Variants in PDE6B observed in about 807,000 individuals in gnomAD.
The protein encoded by PDE6B is rod cGMP-specific 3',5'-cyclic phosphodiesterase subunit beta.
A neutral mutation model predicts 109.0 loss-of-function variants in PDE6B; 106 were observed. The ratio of observed to expected loss-of-function variants is 0.97; its 90% CI spans 0.83 to 1.14. The LOEUF (loss-of-function observed/expected upper bound fraction) is 1.14, where lower values mean the gene tolerates loss of function less well. Among genes scored for constraint, PDE6B ranks in the 50% most tolerant of loss-of-function variants. The pLI is 0.00. For missense variants in PDE6B, 1,193 were observed against 1,155.6 expected (o/e 1.03, Z -0.47); for synonymous variants, 490 against 471.3 (o/e 1.04, Z -0.51).
intron 3 of PDE6B, among the ~76,000 whole-genome samples, chr4:638,156 C>T (rs1386179766): frequency 6.6e-6 from 1 of 152,170 alleles, no homozygotes; most frequent in African/African-American, 2.4e-5. Context: ...GGTAGCATCT[C>T]ATTATTGCTG....
At chr4:640,060 C>G (rs933096933) in intron 3 of PDE6B, among the ~76,000 whole-genome samples, 2 of 152,094 alleles carry the variant, frequency 1.3e-5, no homozygotes, top group African/African-American at 4.8e-5. Flanking sequence ...AGGCCCAGCA[C>G]TTTGGAAGGC....
intron 11 of PDE6B, among the ~76,000 whole-genome samples, chr4:659,470 CAT>C (rs1189831109): frequency 1.3e-5 from 2 of 152,018 alleles, no homozygotes; most frequent in African/African-American, 2.4e-5. Context: ...TGTGTGTGCA[CAT>C]GTGGGTGTCT....
intron 6 of PDE6B, 161 bp from the exon 7 acceptor site, chr4:655,779 A>G (rs1427956353): frequency 1.2e-5 from 8 of 689,788 alleles, no homozygotes; most frequent in Non-Finnish European, 2.1e-5. Flanking sequence ...ACCCCTGCAC[A>G]CACACGTGCA....
chr4:651,965 CCAG>C, intron 3 of PDE6B: 1 of 10,194 alleles, frequency 9.8e-5, no homozygotes, highest in South Asian at 1.5e-3. Context: ...GAGGGTGGCA[CCAG>C]CAGCAGCTCC....
chr4:665,306 A>T lies in PDE6B; in HGVS notation c.2245A>T (p.Thr749Ser). ...EFWEQGDLER[T>S]VLDQQPIPMM... is the part of the protein sequence containing the mutation. The stretch of plus-strand genomic sequence containing the variant: ...CTGGGAGCAAGGTGACTTGGAAAGG[A>T]CAGTCTTGGATCAGCAGCCCATTGT... The change falls in exon 19 of 22, where the codon ACA (threonine) becomes TCA (serine). Residue 749 changes from threonine to serine, a missense_variant. Transcript: ENST00000496514. This position sits in a 1 kb window ranked among gnomAD's most constrained non-coding sequence, Gnocchi z 4.0. The T allele has an allele frequency of 6.2e-7, 1 of 1,612,418 alleles. No individual in the cohort carries two copies. Among genetic ancestry groups the T allele is most frequent in the Non-Finnish European group, 8.5e-7 (1 of 1,179,274 alleles).
chr4:638,577 C>T (rs897882544), intron 3 of PDE6B, among the ~76,000 whole-genome samples: 2 of 152,218 alleles, frequency 1.3e-5, no homozygotes, highest in Non-Finnish European at 2.9e-5. Context: ...CCTGCCTCGG[C>T]CTCCTAAAGT....
intron 3 of PDE6B, among the ~76,000 whole-genome samples, chr4:644,974 G>A (rs964674148): frequency 2.0e-5 from 3 of 152,018 alleles, no homozygotes; most frequent in Non-Finnish European, 2.9e-5. Context: ...CATGTGTTTC[G>A]AAGCTTTGTT....
chr4:659,575 G>GTGTGTGCACATGTGGGTA (rs1560128312), intron 11 of PDE6B, among the ~76,000 whole-genome samples: 4 of 150,556 alleles, frequency 2.7e-5, no homozygotes, highest in Non-Finnish European at 4.4e-5. Flanking sequence ...ACATGTGGGT[G>GTGTGTGCACATGTGGGTA]TGTGTGTGCA....
rs979596032 is a variant in PDE6B, at chr4:662,289, C to T, written c.1722+48C>T. On this transcript the variant is annotated intron_variant, in intron 13 of 21. Transcript: ENST00000496514. This position sits in a 1 kb window ranked among gnomAD's most constrained non-coding sequence, Gnocchi z 4.3. ...AGGGTTGTGCAGGCCCTCCTGGTAC[C>T]AAGGGCAGCACTCAAGCACCCCGAG... 1.7e-5 allele frequency: 19 copies of T among 1,105,230 alleles called. No homozygotes were observed. The highest frequency in any genetic ancestry group is 2.2e-5 in the Non-Finnish European group (16 of 740,924). The allele number at this position is 1,105,230 out of a possible 1,614,324, so 68.5% of individuals were successfully genotyped here.
rs962093025 is a variant in PDE6B, at chr4:666,074, G to A, written c.2269-457G>A. The stretch of plus-strand genomic sequence containing the variant: ...CTCCACCAGGACGCTGTGAGGGGAC[G>A]GACAGCCCAGGGCACTCGGGGTCTG... On this transcript the variant is annotated intron_variant, in intron 19 of 21. Coordinates refer to ENST00000496514, the MANE Select transcript of PDE6B (RefSeq NM_000283.4). This position sits in a 1 kb window ranked among gnomAD's most constrained non-coding sequence, Gnocchi z 5.6. Among the ~76,000 whole-genome samples, 1 of 152,176 alleles carries A rather than the reference G, an allele frequency of 6.6e-6. No homozygotes were observed. Among genetic ancestry groups the A allele is most frequent in the Non-Finnish European group, 1.5e-5 (1 of 68,022 alleles).
Position 670,238 on chromosome 4 carries a change from AAT to A in PDE6B, c.*132_*133del. 3 of 1,261,040 alleles carry A rather than the reference AAT, an allele frequency of 2.4e-6. No individual in the cohort carries two copies. The highest frequency in any genetic ancestry group is 1.7e-5 in the African/African-American group (1 of 60,304). 78.1% of individuals were successfully genotyped at this position (1,261,040 alleles called of 1,614,324 possible). ...GACTGAAGATCATTCTGGATATTTT[AAT>A]TTTTTTTTTTTTTTTTTTTTGAGAT... On this transcript the variant is annotated 3_prime_UTR_variant, in exon 22 of 22. Coordinates refer to ENST00000496514, the MANE Select transcript of PDE6B (RefSeq NM_000283.4).
Position 625,752 on chromosome 4 carries a change from G to A in PDE6B, c.126G>A (p.Pro42=), listed in dbSNP as rs533513647. Residue 42 remains proline, a synonymous_variant, in exon 1 of 22, where the codon CCG becomes CCA. Coordinates refer to ENST00000496514, the MANE Select transcript of PDE6B (RefSeq NM_000283.4). This position sits in a 1 kb window ranked among gnomAD's most constrained non-coding sequence, Gnocchi z 5.0. The part of the protein sequence containing the change: ...VAAACEDGCP[P]DCDSLRDLCQ... ...CGGCCTGCGAGGACGGGTGCCCGCC[G>A]GACTGCGACAGCCTCCGGGACCTCT... 6.3e-5 allele frequency: 101 copies of A among 1,613,504 alleles called. No homozygotes were observed. The highest frequency in any genetic ancestry group is 2.8e-4 in the African/African-American group (21 of 75,062).
At chr4:664,026 C>T in intron 16 of PDE6B, 88 bp from the exon 17 acceptor site, 1 of 1,168,850 alleles carries the variant, frequency 8.6e-7, no homozygotes, top group Non-Finnish European at 1.3e-6. Flanking sequence ...GGGCCTCGCT[C>T]GGGCTCCGCG....
At position 654,858 on chromosome 4, in the gene PDE6B, T is replaced by C; in HGVS notation, c.962T>C (p.Leu321Pro). The stretch of plus-strand genomic sequence containing the variant: ...TTCTACAAAGTGATCGACTACGTCC[T>C]CCACGGCAAGGAGGAGATCAAGGTC... ...IVFYKVIDYVLHGKEEIKVIP... is the reference protein window; with the variant it reads ...IVFYKVIDYVPHGKEEIKVIP... The change falls in exon 6 of 22, where the codon CTC becomes CCC. Residue 321 changes from leucine to proline, a missense_variant. Transcript: ENST00000496514. 6.4e-7 allele frequency: 1 copy of C among 1,574,170 alleles called. No homozygotes were observed. The highest frequency in any genetic ancestry group is 1.1e-5 in the South Asian group (1 of 90,320).
Position 636,850 on chromosome 4 carries a change from G to T in PDE6B, c.711+881G>T, listed in dbSNP as rs1734708997. On this transcript the variant is annotated intron_variant, in intron 3 of 21. Transcript: ENST00000496514. The surrounding 1 kb of genome is among the most constrained non-coding windows in gnomAD (Gnocchi z 4.5). ...GGGGCAGTCTGGAAAGGCGGTCAGGGCCCCTGGGGCATCCAGCCATCCAGC... is the reference window on the plus strand; with the variant it reads ...GGGGCAGTCTGGAAAGGCGGTCAGGTCCCCTGGGGCATCCAGCCATCCAGC... 6.6e-6 allele frequency among the ~76,000 whole-genome samples: 1 copy of T among 152,226 alleles called. No homozygotes were observed. Among genetic ancestry groups the T allele is most frequent in the African/African-American group, 2.4e-5 (1 of 41,458 alleles).
At chr4:646,247 T>C (rs1735193865) in intron 3 of PDE6B, among the ~76,000 whole-genome samples, 1 of 152,048 alleles carries the variant, frequency 6.6e-6, no homozygotes, top group Non-Finnish European at 1.5e-5. Context: ...ATAATTTTAC[T>C]GTATACAGAA....
rs983874487 is a variant in PDE6B, at chr4:633,043, C to T, written c.469-1634C>T. 5.3e-5 allele frequency among the ~76,000 whole-genome samples: 8 copies of T among 152,144 alleles called. 1 individual carries two copies. The highest frequency in any genetic ancestry group is 1.2e-4 in the Non-Finnish European group (8 of 68,006). On this transcript the variant is annotated intron_variant, in intron 1 of 21. Transcript: ENST00000496514. The surrounding 1 kb of genome is among the most constrained non-coding windows in gnomAD (Gnocchi z 4.5). ...GGAGCACACATGGTGGCCACTGTAG[C>T]ACTGACGGCTGGTGGAGGAGACACT...
chr4:630,356 G>C (rs1734324554), intron 1 of PDE6B, among the ~76,000 whole-genome samples: 1 of 152,206 alleles, frequency 6.6e-6, no homozygotes. Flanking sequence ...CACCAGCCAG[G>C]CTGGGACCAG....
At chr4:660,699 C>A in intron 12 of PDE6B, 86 bp downstream of exon 12, 1 of 1,209,310 alleles carries the variant, frequency 8.3e-7, no homozygotes, top group East Asian at 2.4e-5. Flanking sequence ...CTCAGGTGCC[C>A]CAGAAGGTGA....
Sources: allele counts gnomAD v4.1 joint callset (sites outside exome capture counted in the v4.1 genomes callset), GRCh38; gene constraint gnomAD v4.1.1; non-coding constraint Gnocchi (gnomAD v3.1); transcripts MANE v1.5; gene names NCBI Gene and HGNC (gene_info 2026-07-23, HGNC 2026-07-21).